CLIP1: variants seen among roughly 807,000 people sequenced by gnomAD.
CLIP1 encodes the protein CAP-Gly domain containing linker protein 1, also known as CAP-Gly domain-containing linker protein 1.
Under a neutral mutation model 161.6 loss-of-function variants are expected in CLIP1, and 66 were observed. The observed-to-expected ratio is 0.41, with a 90% CI of 0.33 to 0.50. CLIP1 has a LOEUF of 0.50. CLIP1 is among the 20% of genes least tolerant of loss of function. The pLI, the probability that CLIP1 is intolerant of heterozygous loss-of-function variation, is 0.27. For synonymous variants in CLIP1, 598 were observed against 626.2 expected (o/e 0.96, Z 0.67); for missense variants, 1,376 against 1,702.0 (o/e 0.81, Z 3.37).
At chr12:122,316,373 C>G (rs1020776435) in intron 19 of CLIP1, among the ~76,000 whole-genome samples, 3 of 152,048 alleles carry the variant, frequency 2.0e-5, no homozygotes, top group Non-Finnish European at 4.4e-5. Context: ...CCATACCCAA[C>G]TAATTTTTGT....
intron 20 of CLIP1, among the ~76,000 whole-genome samples, chr12:122,290,404 A>T (rs930569055): frequency 4.6e-5 from 7 of 152,224 alleles, no homozygotes; most frequent in African/African-American, 1.7e-4. Flanking sequence ...AACTTTAAAA[A>T]ATGAAATGAG....
chr12:122,317,654 G>A (rs1264099542), intron 18 of CLIP1, among the ~76,000 whole-genome samples: 3 of 152,198 alleles, frequency 2.0e-5, no homozygotes, highest in Non-Finnish European at 4.4e-5. Flanking sequence ...CTGGCTTTCT[G>A]GGCCTTGAGA....
rs756247970 is a variant in CLIP1 at position 122,364,045 on chromosome 12, C to T, written c.720G>A (p.Glu240=). The T allele has an allele frequency of 1.9e-6, 3 of 1,614,034 alleles. No homozygotes were observed. In the African/African-American group the frequency reaches 4.0e-5, roughly 22 times the overall value. The change falls in exon 4 of 26, where the codon GAG becomes GAA. Residue 240 remains glutamate (E), a synonymous_variant. Coordinates refer to ENST00000620786, the MANE Select transcript of CLIP1 (RefSeq NM_001247997.2). ...GCTCATCTAACTCCACGCCACACCA[C>T]TCCCCCTTGGCAAAGTCGGTCTCCC... ...FLGETDFAKG[E]WCGVELDEPL...
chr12:122,410,545 A>G (rs1303269190), intron 1 of CLIP1, among the ~76,000 whole-genome samples: 4 of 138,786 alleles, frequency 2.9e-5, no homozygotes, highest in Non-Finnish European at 6.1e-5. Flanking sequence ...TGCAACCTCC[A>G]CCTCCTGGGT....
At chr12:122,348,968 G>C (rs1952886359) in intron 9 of CLIP1, among the ~76,000 whole-genome samples, 1 of 152,112 alleles carries the variant, frequency 6.6e-6, no homozygotes, top group African/African-American at 2.4e-5. Context: ...GACAAACCAT[G>C]ATGAGATATT....
chr12:122,417,508 GCC>G lies in CLIP1; in HGVS notation c.-107+5011_-107+5012del, dbSNP rs1234946026. On this transcript the variant is annotated intron_variant, in intron 1 of 25. Transcript: ENST00000620786. ...TTTTAAAAAGGCATAAAATTATTCTGCCTTTTTTTTTTTTTTTTTTTTGAAAC... is the reference window on the plus strand; with the variant it reads ...TTTTAAAAAGGCATAAAATTATTCTGTTTTTTTTTTTTTTTTTTTTGAAAC... Among the ~76,000 whole-genome samples the G allele has an allele frequency of 1.6e-4, 16 of 99,842 alleles. No homozygotes were observed. In the Admixed American group the frequency reaches 2.2e-3, roughly 14 times the overall value. 65.5% of individuals were successfully genotyped at this position (99,842 alleles called of 152,430 possible). A position where few individuals can be genotyped will look rare whatever the true frequency, so the allele number is the denominator to read the frequency against.
In CLIP1 at chr12:122,360,858, A is replaced by G. The variant is rs527353702; in HGVS notation, c.1005+101T>C. The G allele has an allele frequency of 3.7e-5, 36 of 977,842 alleles. No homozygotes were observed. The African/African-American group carries it at 5.4e-4, about 15-fold the overall frequency. 60.6% of individuals were successfully genotyped at this position (977,842 alleles called of 1,614,324 possible). A position where few individuals can be genotyped will look rare whatever the true frequency, so the allele number is the denominator to read the frequency against. Reference sequence around the variant, plus strand: ...GCAAAAGCTGTGAGCAACATTCAGCACAAGGACAAGCAAAGCAGCAAAGCA... The same window carrying G: ...GCAAAAGCTGTGAGCAACATTCAGCGCAAGGACAAGCAAAGCAGCAAAGCA... On this transcript the variant is annotated intron_variant, in intron 5 of 25. Coordinates refer to ENST00000620786, the MANE Select transcript of CLIP1 (RefSeq NM_001247997.2).
intron 20 of CLIP1, among the ~76,000 whole-genome samples, chr12:122,306,915 C>G (rs1002422596): frequency 6.6e-6 from 1 of 150,520 alleles, no homozygotes; most frequent in Non-Finnish European, 1.5e-5. Context: ...CAGAATAGAA[C>G]AGCAGCTGGA....
In CLIP1 at chr12:122,336,434, G is replaced by T. The variant is rs889879854; in HGVS notation, c.2568+198C>A. On this transcript the variant is annotated intron_variant, in intron 12 of 25. Transcript: ENST00000620786. ...AGATTAAAAAAAAAAAAAAAAAAAA[G>T]TAATACCTACCTTTGTTGTTTGGGT... 4.0e-5 allele frequency among the ~76,000 whole-genome samples: 5 copies of T among 125,344 alleles called. No individual in the cohort carries two copies. In the East Asian group the frequency reaches 7.3e-4, roughly 18 times the overall value. The allele number at this position is 125,344 out of a possible 152,430, so 82.2% of individuals were successfully genotyped here.
chr12:122,370,883 G>C (rs1954413944), intron 3 of CLIP1, among the ~76,000 whole-genome samples: 1 of 150,804 alleles, frequency 6.6e-6, no homozygotes, highest in Non-Finnish European at 1.5e-5. Context: ...GCCTGAACCT[G>C]GGAGGCAGAG....
chr12:122,390,201 TATATATACACAC>T (rs1955554670), intron 1 of CLIP1, among the ~76,000 whole-genome samples: 1 of 127,626 alleles, frequency 7.8e-6, no homozygotes, highest in African/African-American at 2.8e-5. Flanking sequence ...ATATATAATA[TATATATACACAC>T]ATATATATAC....
At chr12:122,284,438 T>C (rs1362576373) in intron 21 of CLIP1, among the ~76,000 whole-genome samples, 1 of 151,992 alleles carries the variant, frequency 6.6e-6, no homozygotes, top group Non-Finnish European at 1.5e-5. Context: ...CTGCAACCTC[T>C]GCATCCCGGG....
chr12:122,381,008 G>A (rs1335223562), intron 1 of CLIP1, among the ~76,000 whole-genome samples: 1 of 152,126 alleles, frequency 6.6e-6, no homozygotes, highest in Non-Finnish European at 1.5e-5. Flanking sequence ...ACTCCAGCCT[G>A]GGTGACAGAG....
chr12:122,384,424 G>A (rs1363618194), intron 1 of CLIP1, among the ~76,000 whole-genome samples: 1 of 152,116 alleles, frequency 6.6e-6, no homozygotes, highest in African/African-American at 2.4e-5. Flanking sequence ...TAAAGAGAAT[G>A]ACGATCTACA....
Position 122,278,884 on chromosome 12 carries a change from G to A in CLIP1, c.3824C>T (p.Thr1275Ile). ...SAKSLHSVVQ[T>I]LESDKVKLEL... Reference sequence around the variant, plus strand: ...GAGCTTCACCTTATCAGACTCTAGAGTCTGAACAACTGAATGCAAGGACTT... The same window carrying A: ...GAGCTTCACCTTATCAGACTCTAGAATCTGAACAACTGAATGCAAGGACTT... The change falls in exon 23 of 26, where the codon ACT becomes ATT. Residue 1275 changes from threonine to isoleucine, a missense_variant. This residue lies in a region of CLIP1 where 948 missense variants were observed against 1,134.8 expected (regional missense o/e 0.84). Transcript: ENST00000620786. The A allele has an allele frequency of 6.2e-7, 1 of 1,613,522 alleles. No homozygotes were observed. Among genetic ancestry groups the A allele is most frequent in the Non-Finnish European group, 8.5e-7 (1 of 1,179,792 alleles).
intron 20 of CLIP1, among the ~76,000 whole-genome samples, chr12:122,301,535 G>A (rs1330315279): frequency 2.6e-5 from 4 of 152,150 alleles, no homozygotes; most frequent in Admixed American, 1.3e-4. Context: ...TTAGCTGGGC[G>A]TGGTAGCGCA....
intron 19 of CLIP1, among the ~76,000 whole-genome samples, chr12:122,313,724 A>C (rs902819044): frequency 6.6e-6 from 1 of 152,088 alleles, no homozygotes; most frequent in Non-Finnish European, 1.5e-5. Context: ...TTTCAAAACA[A>C]CAACAACAAC....
chr12:122,392,992 G>A (rs1465964375), intron 1 of CLIP1, among the ~76,000 whole-genome samples: 1 of 152,044 alleles, frequency 6.6e-6, no homozygotes, highest in Non-Finnish European at 1.5e-5. Context: ...ATGTTGGCCA[G>A]GCTGGTCTTG....
At chr12:122,418,882 A>C (rs896722851) in intron 1 of CLIP1, among the ~76,000 whole-genome samples, 3 of 152,234 alleles carry the variant, frequency 2.0e-5, no homozygotes, top group Non-Finnish European at 2.9e-5. Flanking sequence ...GAGAAGAAAG[A>C]AGCTGATTAT....
Sources: allele counts gnomAD v4.1 joint callset (sites outside exome capture counted in the v4.1 genomes callset), GRCh38; gene constraint gnomAD v4.1.1; regional missense constraint gnomAD v4.1.1; transcripts MANE v1.5; gene names NCBI Gene and HGNC (gene_info 2026-07-23, HGNC 2026-07-21).